MAN1C1: variants seen among roughly 807,000 people sequenced by gnomAD.
MAN1C1 encodes the protein mannosidase alpha class 1C member 1, also known as mannosyl-oligosaccharide 1,2-alpha-mannosidase IC.
A neutral mutation model predicts 71.5 loss-of-function variants in MAN1C1; 49 were observed. The ratio of observed to expected loss-of-function variants is 0.69; its 90% confidence interval spans 0.54 to 0.87. The LOEUF is 0.87. Ranked by LOEUF, MAN1C1 falls within the 40% of genes least tolerant of loss-of-function variation. MAN1C1 has a pLI of 0.00. For synonymous variants in MAN1C1, 352 were observed against 343.7 expected (o/e 1.02, Z -0.27); for missense variants, 743 against 835.0 (o/e 0.89, Z 1.36).
chr1:25,729,349 A>G (rs889571229), intron 2 of MAN1C1, among the ~76,000 whole-genome samples: 2 of 152,242 alleles, frequency 1.3e-5, no homozygotes, highest in African/African-American at 2.4e-5. Flanking sequence ...CTTCCTGAGC[A>G]GAGTTAGCCA....
At chr1:25,627,256 C>T (rs1274307516) in intron 1 of MAN1C1, among the ~76,000 whole-genome samples, 1 of 132,136 alleles carries the variant, frequency 7.6e-6, no homozygotes, top group African/African-American at 4.2e-5. Flanking sequence ...ATTCTTTTCT[C>T]TTCTCTTCTC....
chr1:25,732,169 C>T (rs2046918276), intron 2 of MAN1C1, among the ~76,000 whole-genome samples: 1 of 152,094 alleles, frequency 6.6e-6, no homozygotes, highest in South Asian at 2.1e-4. Flanking sequence ...CAAGGTAGTG[C>T]CTGCTGCAGG....
At chr1:25,644,338 G>A (rs1316901469) in intron 1 of MAN1C1, among the ~76,000 whole-genome samples, 1 of 151,640 alleles carries the variant, frequency 6.6e-6, no homozygotes, top group Non-Finnish European at 1.5e-5. Context: ...GACACAAGGT[G>A]ACATAAAGAA....
chr1:25,766,653 A>C (rs1282285550), intron 7 of MAN1C1, among the ~76,000 whole-genome samples: 1 of 152,104 alleles, frequency 6.6e-6, no homozygotes, highest in Admixed American at 6.5e-5. Context: ...AAGAGTTCAC[A>C]TCCAGGATAA....
intron 2 of MAN1C1, among the ~76,000 whole-genome samples, chr1:25,691,374 G>T (rs1186329117): frequency 6.6e-6 from 1 of 152,176 alleles, no homozygotes; most frequent in Non-Finnish European, 1.5e-5. Flanking sequence ...GTTTGCATGT[G>T]CATGCTGCTT....
intron 1 of MAN1C1, 57 bp downstream of exon 1, chr1:25,618,394 C>G (rs1285358527): frequency 1.3e-6 from 2 of 1,498,058 alleles, no homozygotes; most frequent in Admixed American, 4.4e-5. Context: ...GGAGAGAAGA[C>G]CCTCTGGCGC....
chr1:25,717,990 A>G (rs1242446825), intron 2 of MAN1C1, among the ~76,000 whole-genome samples: 2 of 145,402 alleles, frequency 1.4e-5, no homozygotes, highest in African/African-American at 5.5e-5. Flanking sequence ...ATCACACTAT[A>G]GCTTTATTTA....
chr1:25,725,458 T>C lies in MAN1C1; in HGVS notation c.638-21210T>C, dbSNP rs1268164631. Among the ~76,000 whole-genome samples, 1 of 152,140 alleles carries C rather than the reference T, an allele frequency of 6.6e-6. No homozygotes were observed. The highest frequency in any genetic ancestry group is 1.5e-5 in the Non-Finnish European group (1 of 68,012). On this transcript the variant is annotated intron_variant, in intron 2 of 11. Coordinates refer to ENST00000374332, the MANE Select transcript of MAN1C1 (RefSeq NM_020379.4). The surrounding 1 kb of genome is among the most constrained non-coding windows in gnomAD (Gnocchi z 4.8). Reference sequence around the variant, plus strand: ...GCCTCTGGGAACTTCACAGAGCAGGTTACGTTGAGCTGGGCTTTGAAGAAT... The same window carrying C: ...GCCTCTGGGAACTTCACAGAGCAGGCTACGTTGAGCTGGGCTTTGAAGAAT...
At chr1:25,633,848 A>G (rs148120223) in intron 1 of MAN1C1, among the ~76,000 whole-genome samples, 57 of 151,582 alleles carry the variant, frequency 3.8e-4, no homozygotes, top group African/African-American at 1.2e-3. Flanking sequence ...GTTTTTTTCT[A>G]TTGTGTTATT....
chr1:25,660,396 C>CCT (rs1389255801), intron 1 of MAN1C1, among the ~76,000 whole-genome samples: 8 of 97,630 alleles, frequency 8.2e-5, no homozygotes, highest in African/African-American at 3.9e-4. Context: ...AGTGAAATTC[C>CCT]TTTTTTTTTT....
At chr1:25,759,965 C>T (rs2047339827) in intron 6 of MAN1C1, 1 of 152,204 alleles carries the variant, frequency 6.6e-6, no homozygotes, top group South Asian at 2.1e-4. Flanking sequence ...TTTGAAAGTT[C>T]GTGGAATGAG....
chr1:25,723,343 C>T (rs1202563210), intron 2 of MAN1C1, among the ~76,000 whole-genome samples: 2 of 152,208 alleles, frequency 1.3e-5, no homozygotes. Flanking sequence ...GGCTGACTTG[C>T]AACAAGCCCT....
At chr1:25,710,491 A>G (rs1040034844) in intron 2 of MAN1C1, among the ~76,000 whole-genome samples, 35 of 152,260 alleles carry the variant, frequency 2.3e-4, no homozygotes, top group African/African-American at 4.8e-5. Context: ...TTTATTGAAC[A>G]TGTACTGTGT....
chr1:25,745,484 A>G (rs1449128892), intron 2 of MAN1C1, among the ~76,000 whole-genome samples: 1 of 152,170 alleles, frequency 6.6e-6, no homozygotes, highest in Non-Finnish European at 1.5e-5. Context: ...TTGATGTACA[A>G]TAAGAATTAT....
Position 25,725,871 on chromosome 1 carries a change from C to T in MAN1C1, c.638-20797C>T, listed in dbSNP as rs1202594226. Among the ~76,000 whole-genome samples the T allele has an allele frequency of 1.3e-5, 2 of 152,204 alleles. No homozygotes were observed. Among genetic ancestry groups the T allele is most frequent in the East Asian group, 3.9e-4 (2 of 5,194 alleles). On this transcript the variant is annotated intron_variant, in intron 2 of 11. Transcript: ENST00000374332. The surrounding 1 kb of genome is among the most constrained non-coding windows in gnomAD (Gnocchi z 4.8). ...TAGAGCTGAAGAATGAGAGGGTGCT[C>T]GGGGCAGAAGGTCCATCCTGGGCTG... is the stretch of plus-strand genomic sequence containing the variant.
At chr1:25,744,849 G>A (rs114531727) in intron 2 of MAN1C1, among the ~76,000 whole-genome samples, 27 of 152,302 alleles carry the variant, frequency 1.8e-4, no homozygotes, top group African/African-American at 6.5e-4. Flanking sequence ...GGGCTCAACA[G>A]GCTCCAGAGT....
chr1:25,628,351 A>C (rs2045329393), intron 1 of MAN1C1, among the ~76,000 whole-genome samples: 1 of 151,896 alleles, frequency 6.6e-6, no homozygotes, highest in South Asian at 2.1e-4. Context: ...CTTGTTGCCC[A>C]GGCTGGAGTT....
chr1:25,627,135 T>C (rs190172699), intron 1 of MAN1C1, among the ~76,000 whole-genome samples: 1 of 152,242 alleles, frequency 6.6e-6, no homozygotes, highest in African/African-American at 2.4e-5. Context: ...AAAAAAACTT[T>C]CCTTTCCCTG....
At chr1:25,745,907 C>A (rs916407401) in intron 2 of MAN1C1, among the ~76,000 whole-genome samples, 1 of 151,978 alleles carries the variant, frequency 6.6e-6, no homozygotes, top group African/African-American at 2.4e-5. Flanking sequence ...ACGAGAATCG[C>A]TTGAACCCAG....
Sources: allele counts gnomAD v4.1 joint callset (sites outside exome capture counted in the v4.1 genomes callset), GRCh38; gene constraint gnomAD v4.1.1; non-coding constraint Gnocchi (gnomAD v3.1); transcripts MANE v1.5; gene names NCBI Gene and HGNC (gene_info 2026-07-23, HGNC 2026-07-21).